MECR: variants seen among roughly 807,000 people sequenced by gnomAD.
MECR encodes the protein enoyl-[acyl-carrier-protein] reductase, mitochondrial.
MECR carries 37 observed loss-of-function variants against 49.1 expected under a neutral mutation model. That is an observed-to-expected ratio of 0.75 (90% CI 0.58 to 0.99). MECR has a LOEUF of 0.99. Among genes scored for constraint, MECR ranks in the 50% least tolerant of loss-of-function variants. The pLI, the probability that MECR is intolerant of heterozygous loss-of-function variation, is 0.00. For missense variants in MECR, 470 were observed against 479.6 expected (o/e 0.98, Z 0.19); for synonymous variants, 198 against 191.1 (o/e 1.04, Z -0.30).
the MECR span, among the ~76,000 whole-genome samples, chr1:29,178,900 T>A: frequency 6.6e-6 from 1 of 152,244 alleles, no homozygotes; most frequent in Non-Finnish European, 1.5e-5. Context: ...TCCTCAATGA[T>A]GCCAGGAGGT....
intron 1 of MECR, chr1:29,223,095 G>A (rs1681165899): frequency 2.0e-6 from 2 of 985,190 alleles, no homozygotes; most frequent in Non-Finnish European, 2.4e-6. Flanking sequence ...TACAAATGAG[G>A]CACCCAACCC....
At chr1:29,217,263 G>A (rs1386744279) in intron 1 of MECR, among the ~76,000 whole-genome samples, 4 of 146,578 alleles carry the variant, frequency 2.7e-5, no homozygotes, top group Admixed American at 2.1e-4. Flanking sequence ...AGGCTGGAGT[G>A]CAGTGACACA....
At chr1:29,168,190 A>AT in the MECR span, among the ~76,000 whole-genome samples, 2 of 95,752 alleles carry the variant, frequency 2.1e-5, no homozygotes, top group African/African-American at 8.3e-5. Flanking sequence ...AATTTTTTGT[A>AT]ATTTTTTTTT....
the MECR span, among the ~76,000 whole-genome samples, chr1:29,179,079 G>GA: frequency 6.6e-6 from 1 of 152,082 alleles, no homozygotes; most frequent in East Asian, 1.9e-4. Context: ...GGTCCTGAAA[G>GA]GCTCTTTCCT....
chr1:29,229,493 C>T (rs1460161721), intron 1 of MECR, among the ~76,000 whole-genome samples: 5 of 152,220 alleles, frequency 3.3e-5, no homozygotes, highest in South Asian at 2.1e-4. Context: ...CGTGAGCCAC[C>T]GTGCCCAGCT....
At chr1:29,181,892 C>T in the MECR span, 2 of 572,702 alleles carry the variant, frequency 3.5e-6, no homozygotes, top group African/African-American at 2.0e-5. Context: ...GCGACGTACG[C>T]GAGCACGCAG....
intron 3 of MECR, among the ~76,000 whole-genome samples, chr1:29,211,197 C>T (rs1465106358): frequency 6.6e-6 from 1 of 152,066 alleles, no homozygotes; most frequent in African/African-American, 2.4e-5. Context: ...CCATGTCAGC[C>T]TCCCCAGTGG....
chr1:29,174,699 G>C, the MECR span, among the ~76,000 whole-genome samples: 1 of 145,914 alleles, frequency 6.9e-6, no homozygotes, highest in Non-Finnish European at 1.5e-5. Flanking sequence ...TTTTTTGATG[G>C]AGTCTTGCTC....
intron 3 of MECR, among the ~76,000 whole-genome samples, chr1:29,209,595 A>C (rs1677445733): frequency 6.6e-6 from 1 of 152,110 alleles, no homozygotes; most frequent in African/African-American, 2.4e-5. Flanking sequence ...GATGGATTTG[A>C]GTTCTATTTT....
chr1:29,176,943 A>C, the MECR span, among the ~76,000 whole-genome samples: 1 of 152,186 alleles, frequency 6.6e-6, no homozygotes, highest in Admixed American at 6.5e-5. Flanking sequence ...TAAAACTATA[A>C]ATTTCAATGA....
At chr1:29,206,671 C>A in intron 4 of MECR, 91 bp downstream of exon 4, 1 of 1,483,126 alleles carries the variant, frequency 6.7e-7, no homozygotes, top group Non-Finnish European at 9.2e-7. Flanking sequence ...AAAACCTCCA[C>A]CTTGCAAGTT....
chr1:29,199,428 C>T (rs887284703), intron 7 of MECR, among the ~76,000 whole-genome samples: 5 of 151,622 alleles, frequency 3.3e-5, no homozygotes, highest in Admixed American at 3.3e-4. Flanking sequence ...GGGGTTTCAC[C>T]GTGTTAGCCA....
At chr1:29,176,175 C>CTGG in the MECR span, among the ~76,000 whole-genome samples, 3 of 152,036 alleles carry the variant, frequency 2.0e-5, no homozygotes, top group Non-Finnish European at 4.4e-5. Flanking sequence ...TTGCTTGAAC[C>CTGG]CAAAAGGCGG....
At chr1:29,204,058 C>T (rs1461682740) in intron 4 of MECR, among the ~76,000 whole-genome samples, 1 of 152,198 alleles carries the variant, frequency 6.6e-6, no homozygotes, top group Non-Finnish European at 1.5e-5. Flanking sequence ...CAGGGCAAGT[C>T]ATGACCTCTG....
chr1:29,192,184 TG>T (rs1673159721), downstream of MECR, among the ~76,000 whole-genome samples: 1 of 152,172 alleles, frequency 6.6e-6, no homozygotes, highest in African/African-American at 2.4e-5. Flanking sequence ...GGGTAAGCCC[TG>T]ACATCATGGT....
Position 29,230,926 on chromosome 1 carries a change from G to T in MECR, c.-20C>A. Reference sequence around the variant, plus strand: ...CCACATGCTCGCTCCAACCAACACAGAGCCTGACGCCCCGGCTACGTCATC... The same window carrying T: ...CCACATGCTCGCTCCAACCAACACATAGCCTGACGCCCCGGCTACGTCATC... On this transcript the variant is annotated 5_prime_UTR_variant, in exon 1 of 10. The change creates a new upstream start codon in the 5' untranslated region. Transcript: ENST00000263702. 1 of 1,566,670 alleles carries T rather than the reference G, an allele frequency of 6.4e-7. No homozygotes were observed. Among genetic ancestry groups the T allele is most frequent in the South Asian group, 1.2e-5 (1 of 86,244 alleles).
intron 7 of MECR, 116 bp downstream of exon 7, chr1:29,200,400 T>A: frequency 1.1e-6 from 1 of 903,250 alleles, no homozygotes; most frequent in East Asian, 2.7e-5. Flanking sequence ...CCACTCAACA[T>A]TGTGCTGACC....
rs567630560 is a variant in MECR, at chr1:29,220,818, G to C, written c.177-4133C>G. The C allele has an allele frequency of 6.4e-4, 454 of 707,030 alleles. 7 individuals carry two copies. In the South Asian group the frequency reaches 0.026, roughly 41 times the overall value. The allele number at this position is 707,030 out of a possible 1,614,324, so 43.8% of individuals were successfully genotyped here. On this transcript the variant is annotated intron_variant, in intron 1 of 9. Transcript: ENST00000263702. The stretch of plus-strand genomic sequence containing the variant: ...GATTAAATGAGTTAATGTATGTAAA[G>C]CATTTATGGTAGTACCTACACAGTA...
chr1:29,199,610 G>A lies in MECR; in HGVS notation c.830+906C>T, dbSNP rs536158190. Among the ~76,000 whole-genome samples, 14 of 151,558 alleles carry A rather than the reference G, an allele frequency of 9.2e-5. No homozygotes were observed. The South Asian group carries it at 1.9e-3, about 20-fold the overall frequency. On this transcript the variant is annotated intron_variant, in intron 7 of 9. Coordinates refer to ENST00000263702, the MANE Select transcript of MECR (RefSeq NM_016011.5). ...GGCTTATCCCCCTTGGTAGTGGGGT[G>A]ATAGGTAACTTTTTTTTTTCTTTTT... is the stretch of plus-strand genomic sequence containing the variant.
Sources: gnomAD v4.1 joint callset for allele counts (sites outside exome capture counted in the v4.1 genomes callset) on GRCh38, gnomAD v4.1.1 for gene constraint, MANE v1.5 for transcripts, NCBI Gene and HGNC (gene_info 2026-07-23, HGNC 2026-07-21) for gene names.